ARMC2: variants seen among roughly 807,000 people sequenced by gnomAD.
ARMC2 encodes armadillo repeat containing 2.
ARMC2 carries 67 observed loss-of-function variants against 90.3 expected under a neutral mutation model. That is an observed-to-expected ratio of 0.74 (90% confidence interval 0.61 to 0.91). The LOEUF is 0.91. Among genes scored for constraint, ARMC2 ranks in the 40% least tolerant of loss-of-function variants. The pLI is 0.00. For missense variants in ARMC2, 920 were observed against 1,030.9 expected (o/e 0.89, Z 1.47); for synonymous variants, 393 against 393.0 (o/e 1.00, Z 0.00).
At chr6:108,862,048 C>T (rs1259026640) in intron 3 of ARMC2, among the ~76,000 whole-genome samples, 5 of 152,014 alleles carry the variant, frequency 3.3e-5, no homozygotes, top group Admixed American at 3.3e-4. Context: ...GCTATGTTCA[C>T]AGTAAAAGTA....
chr6:109,038,250 T>C, the ARMC2 span, among the ~76,000 whole-genome samples: 1 of 152,250 alleles, frequency 6.6e-6, no homozygotes, highest in Non-Finnish European at 1.5e-5. Context: ...CCCAGCACTT[T>C]GAGAGACCAA....
chr6:108,905,527 GAAA>G (rs1772594139), intron 8 of ARMC2, among the ~76,000 whole-genome samples: 1 of 143,904 alleles, frequency 6.9e-6, no homozygotes, highest in Admixed American at 7.1e-5. Context: ...AAGAAAGAGA[GAAA>G]GAGTGAGGAA....
the ARMC2 span, chr6:108,998,381 G>T: frequency 7.1e-6 from 7 of 988,488 alleles, no homozygotes; most frequent in Non-Finnish European, 3.0e-6. Flanking sequence ...CCTACTGAAT[G>T]AATAGATATA....
At chr6:109,047,760 T>C in the ARMC2 span, among the ~76,000 whole-genome samples, 1 of 143,706 alleles carries the variant, frequency 7.0e-6, no homozygotes, top group African/African-American at 2.5e-5. Flanking sequence ...AGAAAAATTC[T>C]TCTGCCTTGG....
the ARMC2 span, among the ~76,000 whole-genome samples, chr6:109,047,279 G>T: frequency 1.1e-5 from 1 of 91,982 alleles, no homozygotes; most frequent in Non-Finnish European, 2.3e-5. Flanking sequence ...GCCTCTGCCC[G>T]GCCGCCCCTA....
chr6:108,852,985 A>G (rs1054638700), intron 1 of ARMC2, among the ~76,000 whole-genome samples: 4 of 152,200 alleles, frequency 2.6e-5, no homozygotes, highest in African/African-American at 9.6e-5. Context: ...GTAAAAGCCA[A>G]TCATTTCAAA....
intron 13 of ARMC2, among the ~76,000 whole-genome samples, chr6:108,954,111 A>G (rs1777393656): frequency 6.6e-6 from 1 of 152,164 alleles, no homozygotes; most frequent in Non-Finnish European, 1.5e-5. Flanking sequence ...ATCCTATCAT[A>G]TTAGGACCCT....
the ARMC2 span, chr6:109,009,415 C>T: frequency 6.9e-7 from 1 of 1,455,024 alleles, no homozygotes; most frequent in South Asian, 1.3e-5. Flanking sequence ...CCCGAGACCG[C>T]CAAAGGGGCC....
intron 5 of ARMC2, among the ~76,000 whole-genome samples, chr6:108,886,451 C>T (rs535912823): frequency 2.7e-4 from 41 of 152,182 alleles, no homozygotes; most frequent in Non-Finnish European, 5.3e-4. Context: ...TGCCTGTAAT[C>T]CCAACTACTT....
At chr6:109,041,618 T>A in the ARMC2 span, among the ~76,000 whole-genome samples, 1 of 152,076 alleles carries the variant, frequency 6.6e-6, no homozygotes, top group Non-Finnish European at 1.5e-5. Flanking sequence ...ACATTATATA[T>A]CATGATAAAA....
intron 7 of ARMC2, among the ~76,000 whole-genome samples, chr6:108,903,560 A>G (rs1366808313): frequency 6.6e-6 from 1 of 152,198 alleles, no homozygotes; most frequent in Non-Finnish European, 1.5e-5. Context: ...AATATGTGTG[A>G]AGTTATGCTA....
chr6:108,871,786 G>T lies in ARMC2; in HGVS notation c.463+2791G>T, dbSNP rs1368810361. On this transcript the variant is annotated intron_variant, in intron 4 of 17. Coordinates refer to ENST00000392644, the MANE Select transcript of ARMC2 (RefSeq NM_032131.6). The stretch of plus-strand genomic sequence containing the variant: ...GCTCTGGGAGGTGCCCTCTGCAGCT[G>T]TGATTTCCCAGCACTGAGGCCAGCT... Among the ~76,000 whole-genome samples the T allele has an allele frequency of 2.7e-4, 41 of 152,152 alleles. 1 individual carries two copies. The highest frequency in any genetic ancestry group is 2.7e-3 in the Admixed American group (41 of 15,272).
rs756383224 is a variant in ARMC2, at chr6:108,973,451, G to T, written c.2541G>T (p.Gln847His). The change falls in exon 18 of 18, where the codon CAG (glutamine) becomes CAT (histidine). Residue 847 changes from glutamine to histidine, a missense_variant. By Grantham distance (24) the Gln-to-His change is conservative. Transcript: ENST00000392644. ...WETEFKPVAQ[Q>H]LLNRIQRHHT... The stretch of plus-strand genomic sequence containing the variant: ...CAGAATTCAAACCTGTGGCACAGCA[G>T]CTTCTAAACCGAATTCAGAGACATC... 4 of 1,613,724 alleles carry T rather than the reference G, an allele frequency of 2.5e-6. No homozygotes were observed. The highest frequency in any genetic ancestry group is 2.7e-5 in the African/African-American group (2 of 74,918).
chr6:108,900,722 G>T (rs1199416708), intron 7 of ARMC2, among the ~76,000 whole-genome samples: 1 of 152,174 alleles, frequency 6.6e-6, no homozygotes. Flanking sequence ...CCCTGGACGG[G>T]GTTCTGGTCC....
chr6:108,887,405 A>G (rs1770477985), intron 5 of ARMC2, among the ~76,000 whole-genome samples: 2 of 152,102 alleles, frequency 1.3e-5, no homozygotes, highest in South Asian at 4.1e-4. Context: ...CACTGATTGC[A>G]AGAGAAGACT....
chr6:108,869,507 C>T (rs1247171352), intron 4 of ARMC2, among the ~76,000 whole-genome samples: 1 of 149,536 alleles, frequency 6.7e-6, no homozygotes, highest in Admixed American at 6.6e-5. Context: ...ACTGTCTCAA[C>T]AAAAAAGAAA....
At chr6:108,953,961 A>C (rs755563988) in intron 13 of ARMC2, among the ~76,000 whole-genome samples, 8 of 152,176 alleles carry the variant, frequency 5.3e-5, no homozygotes, top group Admixed American at 2.6e-4. Context: ...CAGACTGTTC[A>C]GCTCCTGGTG....
In ARMC2 at chr6:108,894,530, G is replaced by A. The variant is rs752860322; in HGVS notation, c.735G>A (p.Leu245=). 6.2e-7 allele frequency: 1 copy of A among 1,604,116 alleles called. No individual in the cohort carries two copies. The highest frequency in any genetic ancestry group is 8.5e-7 in the Non-Finnish European group (1 of 1,175,966). The change falls in exon 6 of 18, where the codon CTG becomes CTA. Residue 245 remains leucine, a synonymous_variant. Coordinates refer to ENST00000392644, the MANE Select transcript of ARMC2 (RefSeq NM_032131.6). ...SCPSSSDLSR[L]QTKAVPKADL... is the part of the protein sequence containing the mutation. ...CCAGTAGCTCAGACCTGAGCAGGCTGCAAACCAAAGCAGGTGAGGGGTCCC... is the reference window on the plus strand; with the variant it reads ...CCAGTAGCTCAGACCTGAGCAGGCTACAAACCAAAGCAGGTGAGGGGTCCC...
the ARMC2 span, chr6:108,990,555 G>T: frequency 2.6e-6 from 3 of 1,136,094 alleles, no homozygotes; most frequent in South Asian, 3.9e-5. Flanking sequence ...TTTTGATTAT[G>T]TGTGTGTCTA....
Sources: allele counts gnomAD v4.1 joint callset (sites outside exome capture counted in the v4.1 genomes callset), GRCh38; gene constraint gnomAD v4.1.1; transcripts MANE v1.5; gene names NCBI Gene and HGNC (gene_info 2026-07-23, HGNC 2026-07-21).